The following SIDT2 variants were observed in gnomAD, a reference collection of about 807,000 sequenced individuals.
The protein encoded by SIDT2 is SID1 transmembrane family member 2.
In SIDT2, 68 loss-of-function variants were observed where a neutral mutation model predicts 114.4. The ratio of observed to expected loss-of-function variants is 0.59; its 90% CI spans 0.49 to 0.73. The LOEUF (loss-of-function observed/expected upper bound fraction) is 0.73, where lower values mean the gene tolerates loss of function less well. Among genes scored for constraint, SIDT2 ranks in the 30% least tolerant of loss-of-function variants. The probability of loss-of-function intolerance (pLI) is 0.00; values close to 1 mark genes in which losing one functional copy is unlikely to be tolerated. For missense variants in SIDT2, 918 were observed against 1,097.1 expected, an observed-to-expected ratio of 0.84 and a Z score of 2.31; for synonymous variants, 470 against 438.4, an observed-to-expected ratio of 1.07 and a Z score of -0.90.
chr11:117,189,672 GT>G (rs2030630184), intron 15 of SIDT2: 3 of 598,638 alleles, frequency 5.0e-6, no homozygotes, highest in Non-Finnish European at 8.9e-6. Context: ...CTGGGGCTTT[GT>G]AAGCATCAGT....
intron 4 of SIDT2, 73 bp downstream of exon 4, chr11:117,182,178 G>T (rs1161338351): frequency 6.4e-7 from 1 of 1,551,052 alleles, no homozygotes; most frequent in South Asian, 1.2e-5. Context: ...GTGGCCAGCG[G>T]TCTTTGCTTG....
intron 12 of SIDT2, 126 bp downstream of exon 12, chr11:117,187,825 C>A (rs1401438581): frequency 8.1e-6 from 7 of 862,748 alleles, no homozygotes; most frequent in Non-Finnish European, 1.3e-5. Flanking sequence ...GTCTTCCTAA[C>A]CCCTCTCTTC....
chr11:117,186,106 C>T (rs1381860484), intron 8 of SIDT2, 24 bp from the exon 9 acceptor site: 1 of 1,606,688 alleles, frequency 6.2e-7, no homozygotes, highest in South Asian at 1.1e-5. Flanking sequence ...TTGACCTGTC[C>T]ACCTTCCTGT....
At chr11:117,182,911 A>G in intron 6 of SIDT2, 105 bp downstream of exon 6, 2 of 1,277,920 alleles carry the variant, frequency 1.6e-6, no homozygotes, top group Non-Finnish European at 2.2e-6. Flanking sequence ...CCTACACACG[A>G]CTGAGTCTTT....
In SIDT2 at chr11:117,179,023, C is replaced by G. The variant is rs2030139855; in HGVS notation, c.-241C>G. The G allele has an allele frequency of 3.6e-6, 2 of 552,416 alleles. No individual in the cohort carries two copies. The highest frequency in any genetic ancestry group is 3.2e-6 in the Non-Finnish European group (1 of 311,100). The allele number at this position is 552,416 out of a possible 1,614,324, so 34.2% of individuals were successfully genotyped here. On this transcript the variant is annotated 5_prime_UTR_variant, in exon 1 of 26. Coordinates refer to ENST00000324225, the MANE Select transcript of SIDT2 (RefSeq NM_001040455.2). ...CCCCTCGCGAGCTGGGACCCCTTCCCGTAGCCAGCATCCCCTCCCTCCCCG... is the reference window on the plus strand; with the variant it reads ...CCCCTCGCGAGCTGGGACCCCTTCCGGTAGCCAGCATCCCCTCCCTCCCCG...
rs2030890688 is a variant in SIDT2, at chr11:117,196,154, TCCCAGCACCGCTG to T, written c.*97_*109del. The T allele has an allele frequency of 6.5e-7, 1 of 1,549,030 alleles. No individual in the cohort carries two copies. The highest frequency in any genetic ancestry group is 8.8e-7 in the Non-Finnish European group (1 of 1,130,580). On this transcript the variant is annotated 3_prime_UTR_variant, in exon 26 of 26. Coordinates refer to ENST00000324225, the MANE Select transcript of SIDT2 (RefSeq NM_001040455.2). This position sits in a 1 kb window ranked among gnomAD's most constrained non-coding sequence, Gnocchi z 4.9. ...CACTCTGTCGTGCTGTGGGGATGAGTCCCAGCACCGCTGCCCAGCACTGGATGGCAGCAGGACA... is the reference window on the plus strand; with the variant it reads ...CACTCTGTCGTGCTGTGGGGATGAGTCCCAGCACTGGATGGCAGCAGGACA...
intron 5 of SIDT2, 25 bp downstream of exon 5, chr11:117,182,645 T>C (rs1163910244): frequency 9.9e-6 from 16 of 1,614,016 alleles, no homozygotes; most frequent in Non-Finnish European, 1.3e-5. Context: ...CTTTTGCTCT[T>C]CCCCAGCAGG....
At position 117,188,522 on chromosome 11, in the gene SIDT2, C is replaced by T. The variant is rs2030582442; in HGVS notation, c.1160-186C>T. 2 of 608,330 alleles carry T rather than the reference C, an allele frequency of 3.3e-6. No homozygotes were observed. Among genetic ancestry groups the T allele is most frequent in the Non-Finnish European group, 3.0e-6 (1 of 336,704 alleles). The allele number at this position is 608,330 out of a possible 1,614,324, so 37.7% of individuals were successfully genotyped here. On this transcript the variant is annotated intron_variant, in intron 12 of 25. Transcript: ENST00000324225. The surrounding 1 kb of genome is among the most constrained non-coding windows in gnomAD (Gnocchi z 4.0). ...TCTTCTAGAGTCTACCATCATCCCC[C>T]AGGACTTAGGAGCACCTGATGTCTC...
At chr11:117,193,774 T>C in intron 23 of SIDT2, 79 bp from the exon 24 acceptor site, 2 of 1,033,464 alleles carry the variant, frequency 1.9e-6, no homozygotes, top group Non-Finnish European at 3.0e-6. Context: ...GGAAAGGGAA[T>C]CTGGGAAAGG....
chr11:117,190,643 C>G lies in SIDT2; in HGVS notation c.1638C>G (p.His546Gln). The G allele has an allele frequency of 6.3e-7, 1 of 1,594,760 alleles. No homozygotes were observed. The highest frequency in any genetic ancestry group is 8.6e-7 in the Non-Finnish European group (1 of 1,169,336). ...AACAGGAATGTGGGATCCCCAAACA[C>G]TTTGGGCTTTTCTACGCCATGGGCA... ...LCALECGIPK[H>Q]FGLFYAMGTA... Residue 546 changes from histidine (H) to glutamine (Q), a missense_variant, in exon 18 of 26, where the codon CAC becomes CAG. Physicochemically the swap from His to Gln is conservative, Grantham distance 24. This residue lies in a region of SIDT2 where 275 missense variants were observed against 397.6 expected (regional missense o/e 0.69). Transcript: ENST00000324225. The surrounding 1 kb of genome is among the most constrained non-coding windows in gnomAD (Gnocchi z 4.1).
In SIDT2 at chr11:117,188,102, C is replaced by T. The variant is rs2030567775; in HGVS notation, c.1159+403C>T. 3 of 410,564 alleles carry T rather than the reference C, an allele frequency of 7.3e-6. No individual in the cohort carries two copies. Among genetic ancestry groups the T allele is most frequent in the South Asian group, 3.7e-5 (2 of 53,370 alleles). 25.4% of individuals were successfully genotyped at this position (410,564 alleles called of 1,614,324 possible). ...CCCGCTCTTGTGTCTTCTGAGATAG[C>T]AGCAGAGCACAGGCTCCTTTGGCTG... On this transcript the variant is annotated intron_variant, in intron 12 of 25. Coordinates refer to ENST00000324225, the MANE Select transcript of SIDT2 (RefSeq NM_001040455.2). The surrounding 1 kb of genome is among the most constrained non-coding windows in gnomAD (Gnocchi z 4.0).
At chr11:117,193,478 T>G (rs1443941718) in intron 23 of SIDT2, among the ~76,000 whole-genome samples, 1 of 152,158 alleles carries the variant, frequency 6.6e-6, no homozygotes, top group Non-Finnish European at 1.5e-5. Context: ...AGGTGGCATT[T>G]TAGGCTGCAG....
At chr11:117,186,978 C>T in intron 10 of SIDT2, 2 of 1,461,650 alleles carry the variant, frequency 1.4e-6, no homozygotes, top group Non-Finnish European at 1.8e-6. Context: ...TGCGTGGGAC[C>T]TTCTCTCTTA....
At chr11:117,181,770 C>G in intron 2 of SIDT2, 37 bp from the exon 3 acceptor site, 1 of 1,613,410 alleles carries the variant, frequency 6.2e-7, no homozygotes. Flanking sequence ...CCGGCTGGGA[C>G]AGTGCTCACA....
rs752546439 is a variant in SIDT2 at position 117,189,125 on chromosome 11, C to T, written c.1279-44C>T. 8.8e-6 allele frequency: 14 copies of T among 1,597,882 alleles called. No homozygotes were observed. The African/African-American group carries it at 1.9e-4, about 21-fold the overall frequency. ...ACCTCTAACCTGGGGGAGGGGGCTT[C>T]TCCCAAGTAGCAGTAAGTGGGGCTG... On this transcript the variant is annotated intron_variant, in intron 13 of 25. Transcript: ENST00000324225.
At chr11:117,187,331 G>C in intron 10 of SIDT2, 47 bp from the exon 11 acceptor site, 1 of 1,554,094 alleles carries the variant, frequency 6.4e-7, no homozygotes, top group Non-Finnish European at 8.9e-7. Context: ...CTGGCTCTAG[G>C]CCTCTCTCTT....
In SIDT2 at chr11:117,196,813, A is replaced by G. The variant is rs1409440529; in HGVS notation, c.*747A>G. ...CTTCATCCCATCAGCTCCCAGACTG[A>G]TGCCAGCACCAGGACTGGAGGGAGA... On this transcript the variant is annotated 3_prime_UTR_variant, in exon 26 of 26. Transcript: ENST00000324225. This position sits in a 1 kb window ranked among gnomAD's most constrained non-coding sequence, Gnocchi z 4.9. The G allele has an allele frequency of 6.5e-6, 1 of 152,750 alleles. No homozygotes were observed. The highest frequency in any genetic ancestry group is 1.5e-5 in the Non-Finnish European group (1 of 68,116). The allele number at this position is 152,750 out of a possible 1,614,324, so 9.5% of individuals were successfully genotyped here.
Position 117,193,201 on chromosome 11 carries a change from G to C in SIDT2, c.2154G>C (p.Leu718Phe). ...GCCCCAATGATTTCGCTTCCTACTT[G>C]TTGGCCATTGGCATCTGCAACCTGC... ...IMRPNDFASY[L>F]LAIGICNLLL... The change falls in exon 23 of 26, where the codon TTG becomes TTC. Residue 718 changes from leucine to phenylalanine, a missense_variant. Around this residue, in one of 4 missense-constraint regions of SIDT2, gnomAD observed 275 missense variants for 397.6 expected, o/e 0.69. Coordinates refer to ENST00000324225, the MANE Select transcript of SIDT2 (RefSeq NM_001040455.2). 6.2e-7 allele frequency: 1 copy of C among 1,614,058 alleles called. No homozygotes were observed. The highest frequency in any genetic ancestry group is 8.5e-7 in the Non-Finnish European group (1 of 1,179,982).
At chr11:117,194,077 A>C (rs559346064) in intron 24 of SIDT2, 114 bp downstream of exon 24, 14 of 798,512 alleles carry the variant, frequency 1.8e-5, no homozygotes, top group Non-Finnish European at 2.7e-5. Context: ...AAGCTGAGGC[A>C]GGAGGATCAC....
Sources: gnomAD v4.1 joint callset for allele counts (sites outside exome capture counted in the v4.1 genomes callset) on GRCh38, gnomAD v4.1.1 for gene constraint, gnomAD v4.1.1 regional missense constraint, Gnocchi (gnomAD v3.1) non-coding constraint, MANE v1.5 for transcripts, NCBI Gene and HGNC (gene_info 2026-07-23, HGNC 2026-07-21) for gene names.